INTS3: variants seen among roughly 807,000 people sequenced by gnomAD.
The protein encoded by INTS3 is integrator complex subunit 3.
In INTS3, 34 loss-of-function variants were observed where a neutral mutation model predicts 146.3. The observed-to-expected ratio is 0.23, with a 90% CI of 0.18 to 0.31. The LOEUF (loss-of-function observed/expected upper bound fraction) is 0.31. Among genes scored for constraint, INTS3 ranks in the 10% least tolerant of loss-of-function variants. INTS3 has a pLI of 1.00. For missense variants in INTS3, 757 were observed against 1,304.2 expected, an observed-to-expected ratio of 0.58 and a Z score of 6.46; for synonymous variants, 475 against 494.9, an observed-to-expected ratio of 0.96 and a Z score of 0.53.
intron 1 of INTS3, among the ~76,000 whole-genome samples, chr1:153,738,752 T>C (rs1261401546): frequency 1.3e-5 from 2 of 152,226 alleles, no homozygotes; most frequent in Non-Finnish European, 2.9e-5. Flanking sequence ...GAATCAGTTA[T>C]TACTTTCACC....
At chr1:153,751,760 C>A (rs1000052095) in intron 7 of INTS3, among the ~76,000 whole-genome samples, 1 of 152,180 alleles carries the variant, frequency 6.6e-6, no homozygotes, top group Admixed American at 6.5e-5. Context: ...CCACTCTGCC[C>A]AGCCTAAAAT....
At chr1:153,747,541 A>T (rs745940686) in intron 5 of INTS3, 178 bp downstream of exon 5, 32 of 620,666 alleles carry the variant, frequency 5.2e-5, no homozygotes, top group Non-Finnish European at 7.5e-5. Flanking sequence ...TTGAAAAATC[A>T]TGGGGGGCCT....
chr1:153,769,737 A>T, intron 22 of INTS3, 32 bp from the exon 23 acceptor site: 1 of 1,496,664 alleles, frequency 6.7e-7, no homozygotes, highest in Non-Finnish European at 9.3e-7. Flanking sequence ...TTCAGAGCTG[A>T]TGGGTTCTGC....
intron 5 of INTS3, chr1:153,747,650 T>C (rs1671799458): frequency 4.3e-6 from 2 of 461,684 alleles, no homozygotes; most frequent in East Asian, 3.6e-5. Context: ...TGAGATTTTA[T>C]AGCATTTCAG....
chr1:153,771,524 C>A (rs752336596), intron 25 of INTS3, among the ~76,000 whole-genome samples: 22 of 152,174 alleles, frequency 1.4e-4, no homozygotes, highest in Non-Finnish European at 2.9e-4. Flanking sequence ...CCTGACTGTT[C>A]TAGGGGAGGA....
intron 1 of INTS3, among the ~76,000 whole-genome samples, chr1:153,730,193 C>A (rs909247080): frequency 2.0e-5 from 3 of 152,210 alleles, no homozygotes; most frequent in African/African-American, 7.2e-5. Context: ...TACTTGCAGT[C>A]TGCCTTCCCG....
chr1:153,770,534 A>G, intron 24 of INTS3, 151 bp from the exon 25 acceptor site: 1 of 724,870 alleles, frequency 1.4e-6, no homozygotes, highest in Non-Finnish European at 2.4e-6. Flanking sequence ...TGGCTCAGGG[A>G]CTGATAGGAG....
Position 153,773,373 on chromosome 1 carries a change from T to A in INTS3, c.*103T>A. 1 of 1,110,478 alleles carries A rather than the reference T, an allele frequency of 9.0e-7. No homozygotes were observed. 68.8% of individuals were successfully genotyped at this position (1,110,478 alleles called of 1,614,324 possible). ...GAGATTGCAGGGGAAACACCCTTGC[T>A]GCATCCCCAAGCTCCCCCGGTGGAA... On this transcript the variant is annotated 3_prime_UTR_variant, in exon 30 of 30. Transcript: ENST00000318967.
chr1:153,773,271 G>C lies in INTS3; in HGVS notation c.*1G>C. On this transcript the variant is annotated 3_prime_UTR_variant, in exon 30 of 30. Transcript: ENST00000318967. ...TGCAGTGGGCTCTGACAGTGACTGA[G>C]GCCCTGCATTCCCCATCCCACCCCC... is the stretch of plus-strand genomic sequence containing the variant. The C allele has an allele frequency of 6.2e-7, 1 of 1,613,746 alleles. No homozygotes were observed. The highest frequency in any genetic ancestry group is 8.5e-7 in the Non-Finnish European group (1 of 1,179,708).
chr1:153,743,295 G>C (rs1671606642), intron 3 of INTS3, among the ~76,000 whole-genome samples: 1 of 152,198 alleles, frequency 6.6e-6, no homozygotes. Context: ...CTTTGGAACA[G>C]AAACCTCAGG....
rs984245347 is a variant in INTS3 at position 153,757,325 on chromosome 1, C to G, written c.958-247C>G. ...AGTTGCAGTTGGGGGTAAATGTAGC[C>G]TGAGGTCAGTGGCAAGAATGACTGT... On this transcript the variant is annotated intron_variant, in intron 9 of 29. Coordinates refer to ENST00000318967, the MANE Select transcript of INTS3 (RefSeq NM_023015.5). This position sits in a 1 kb window ranked among gnomAD's most constrained non-coding sequence, Gnocchi z 4.0. Among the ~76,000 whole-genome samples the G allele has an allele frequency of 6.6e-6, 1 of 152,076 alleles. No homozygotes were observed. Among genetic ancestry groups the G allele is most frequent in the Non-Finnish European group, 1.5e-5 (1 of 68,016 alleles).
rs2101764627 is a variant in INTS3, at chr1:153,728,518, TCTCC to T, written c.-115_-112del. ...GAGTGGAGAGGACAGGGGCCCTTGC[TCTCC>T]CCTCCCCAACTTGTTCCTCTTGCCC... On this transcript the variant is annotated 5_prime_UTR_variant, in exon 1 of 30. Coordinates refer to ENST00000318967, the MANE Select transcript of INTS3 (RefSeq NM_023015.5). The T allele has an allele frequency of 7.6e-7, 1 of 1,309,036 alleles. No individual in the cohort carries two copies. Among genetic ancestry groups the T allele is most frequent in the Non-Finnish European group, 1.0e-6 (1 of 961,762 alleles). The allele number at this position is 1,309,036 out of a possible 1,614,324, so 81.1% of individuals were successfully genotyped here.
chr1:153,733,846 G>GC (rs1381214077), intron 1 of INTS3, among the ~76,000 whole-genome samples: 2 of 150,286 alleles, frequency 1.3e-5, no homozygotes, highest in African/African-American at 2.5e-5. Context: ...CTCGTGATTC[G>GC]CCCCCCTCAG....
Position 153,772,935 on chromosome 1 carries a change from C to G in INTS3, c.2905C>G (p.Leu969Val). ...DEAHKMKFSDLFSLAEEYEDS... is the reference protein window; with the variant it reads ...DEAHKMKFSDVFSLAEEYEDS... ...GCTCCTTTTCCTTAGATTCAGTGATCTCTTCTCCCTGGCGGAGGAATATGA... is the reference window on the plus strand; with the variant it reads ...GCTCCTTTTCCTTAGATTCAGTGATGTCTTCTCCCTGGCGGAGGAATATGA... Residue 969 changes from leucine to valine, a missense_variant, in exon 29 of 30, where the codon CTC (leucine) becomes GTC (valine). Physicochemically the swap from Leu to Val is conservative, Grantham distance 32. This residue lies in a region of INTS3 where 125 missense variants were observed against 165.6 expected (regional missense o/e 0.75). Coordinates refer to ENST00000318967, the MANE Select transcript of INTS3 (RefSeq NM_023015.5). This position sits in a 1 kb window ranked among gnomAD's most constrained non-coding sequence, Gnocchi z 4.6. The G allele has an allele frequency of 6.2e-7, 1 of 1,614,176 alleles. No individual in the cohort carries two copies. Among genetic ancestry groups the G allele is most frequent in the Non-Finnish European group, 8.5e-7 (1 of 1,180,032 alleles).
At chr1:153,746,892 A>C in intron 3 of INTS3, 65 bp from the exon 4 acceptor site, 1 of 937,952 alleles carries the variant, frequency 1.1e-6, no homozygotes, top group Non-Finnish European at 1.7e-6. Context: ...CAAGGGGTCC[A>C]CTGTGGGTGG....
At chr1:153,729,921 G>A (rs533523804) in intron 1 of INTS3, among the ~76,000 whole-genome samples, 2 of 151,470 alleles carry the variant, frequency 1.3e-5, no homozygotes, top group East Asian at 3.9e-4. Flanking sequence ...TTGCTTAACT[G>A]TTTGTAAGGC....
intron 25 of INTS3, among the ~76,000 whole-genome samples, chr1:153,771,012 C>G (rs921505149): frequency 2.0e-5 from 3 of 152,072 alleles, no homozygotes; most frequent in African/African-American, 7.2e-5. Context: ...AGTTCTAATC[C>G]CTGGTGGCTC....
At chr1:153,735,585 C>T (rs1570834218) in intron 1 of INTS3, among the ~76,000 whole-genome samples, 1 of 152,178 alleles carries the variant, frequency 6.6e-6, no homozygotes, top group Non-Finnish European at 1.5e-5. Context: ...TGTGCCACTC[C>T]TTGTTCACCA....
chr1:153,767,767 G>A lies in INTS3; in HGVS notation c.2184G>A (p.Lys728=). The part of the protein sequence containing the change: ...DLHTCLMMDM[K]ACQEDDVRLL... ...ACACCTGCCTGATGATGGACATGAA[G>A]GCCTGCCAGGAGGACGATGTGCGGC... Residue 728 remains lysine (K), a synonymous_variant, in exon 21 of 30, where the codon AAG becomes AAA. Coordinates refer to ENST00000318967, the MANE Select transcript of INTS3 (RefSeq NM_023015.5). 1.2e-6 allele frequency: 2 copies of A among 1,613,622 alleles called. No homozygotes were observed. The highest frequency in any genetic ancestry group is 8.5e-7 in the Non-Finnish European group (1 of 1,179,798).
Sources: gnomAD v4.1 joint callset for allele counts (sites outside exome capture counted in the v4.1 genomes callset) on GRCh38, gnomAD v4.1.1 for gene constraint, gnomAD v4.1.1 regional missense constraint, Gnocchi (gnomAD v3.1) non-coding constraint, MANE v1.5 for transcripts, NCBI Gene and HGNC (gene_info 2026-07-23, HGNC 2026-07-21) for gene names.